The following MBNL2 variants were observed in gnomAD, a reference collection of about 807,000 sequenced individuals.
MBNL2 encodes the protein muscleblind-like protein 2.
In MBNL2, 17 loss-of-function variants were observed where a neutral mutation model predicts 41.9. That is an observed-to-expected ratio of 0.41 (90% CI 0.28 to 0.61). MBNL2 has a LOEUF of 0.61. Ranked by LOEUF, MBNL2 falls within the 20% of genes least tolerant of loss-of-function variation. MBNL2 has a pLI of 0.35. For synonymous variants in MBNL2, 195 were observed against 182.9 expected (o/e 1.07, Z -0.53); for missense variants, 336 against 505.6 (o/e 0.66, Z 3.22).
At chr13:97,342,207 AATC>A (rs1202809275) in intron 3 of MBNL2, among the ~76,000 whole-genome samples, 3 of 152,216 alleles carry the variant, frequency 2.0e-5, no homozygotes, top group Non-Finnish European at 4.4e-5. Context: ...TTTTAAAAAT[AATC>A]ATCACCTCAA....
intron 7 of MBNL2, among the ~76,000 whole-genome samples, chr13:97,362,144 AT>A (rs76732656): frequency 0.11 from 17,019 of 150,924 alleles, 1,003 homozygotes; most frequent in East Asian, 0.18. Flanking sequence ...CAGATTTTGG[AT>A]TTTTTTTTCA....
chr13:97,315,944 T>G (rs1007005637), intron 2 of MBNL2, among the ~76,000 whole-genome samples: 1 of 152,106 alleles, frequency 6.6e-6, no homozygotes, highest in African/African-American at 2.4e-5. Flanking sequence ...AGGAGAGAGA[T>G]ACACTCATGG....
intron 2 of MBNL2, among the ~76,000 whole-genome samples, chr13:97,281,617 C>T (rs1245121289): frequency 6.6e-6 from 1 of 152,136 alleles, no homozygotes; most frequent in African/African-American, 2.4e-5. Context: ...TGCTGCTGGG[C>T]TCCTTAATAG....
intron 7 of MBNL2, among the ~76,000 whole-genome samples, chr13:97,361,585 A>G (rs1030462541): frequency 6.6e-6 from 1 of 152,106 alleles, no homozygotes; most frequent in Non-Finnish European, 1.5e-5. Flanking sequence ...TTTCAGCCAC[A>G]TCCAGGACTG....
At chr13:97,146,095 A>G in the MBNL2 span, among the ~76,000 whole-genome samples, 1 of 151,800 alleles carries the variant, frequency 6.6e-6, no homozygotes, top group East Asian at 1.9e-4. Context: ...GGATCAAGCA[A>G]TTATTCTGCC....
the MBNL2 span, among the ~76,000 whole-genome samples, chr13:97,169,165 T>C: frequency 2.0e-5 from 3 of 152,246 alleles, no homozygotes; most frequent in Admixed American, 6.5e-5. Flanking sequence ...TAACTTCTTA[T>C]TGATGTATCC....
the MBNL2 span, among the ~76,000 whole-genome samples, chr13:97,142,029 A>G: frequency 6.6e-6 from 1 of 152,160 alleles, no homozygotes; most frequent in African/African-American, 2.4e-5. Context: ...GAGAAGGTTA[A>G]TTTGCAAAAC....
At chr13:97,389,433 G>T (rs1300162482) in intron 8 of MBNL2, among the ~76,000 whole-genome samples, 1 of 152,196 alleles carries the variant, frequency 6.6e-6, no homozygotes, top group Non-Finnish European at 1.5e-5. Context: ...GCTGGGTACA[G>T]TGGCTCACGC....
chr13:97,251,883 G>C (rs1385377724), intron 1 of MBNL2, among the ~76,000 whole-genome samples: 2 of 112,558 alleles, frequency 1.8e-5, no homozygotes, highest in Non-Finnish European at 3.3e-5. Context: ...TCGCTCCGTC[G>C]CCCAGGCCGG....
chr13:97,387,046 G>A (rs1238310100), intron 8 of MBNL2, among the ~76,000 whole-genome samples: 1 of 151,236 alleles, frequency 6.6e-6, no homozygotes. Flanking sequence ...GTGGAAAAAG[G>A]AATTGAAAAT....
chr13:97,291,538 T>C (rs1368308388), intron 2 of MBNL2, among the ~76,000 whole-genome samples: 1 of 152,088 alleles, frequency 6.6e-6, no homozygotes, highest in African/African-American at 2.4e-5. Flanking sequence ...CACGACAGGT[T>C]ATTAAAAAGA....
In MBNL2 at chr13:97,334,950, G is replaced by A. The variant is rs560377555; in HGVS notation, c.339+510G>A. 1.3e-5 allele frequency among the ~76,000 whole-genome samples: 2 copies of A among 152,324 alleles called. No homozygotes were observed. The highest frequency in any genetic ancestry group is 2.1e-4 in the South Asian group (1 of 4,832). On this transcript the variant is annotated intron_variant, in intron 3 of 8. Coordinates refer to ENST00000679496, the MANE Select transcript of MBNL2 (RefSeq NM_001382683.1). This position sits in a 1 kb window ranked among gnomAD's most constrained non-coding sequence, Gnocchi z 5.3. Reference sequence around the variant, plus strand: ...GTTAGCAGAGCGCTTTCTGCAGTGTGTTCCAGGAAGATCCTAGTAACAGCC... The same window carrying A: ...GTTAGCAGAGCGCTTTCTGCAGTGTATTCCAGGAAGATCCTAGTAACAGCC...
intron 4 of MBNL2, among the ~76,000 whole-genome samples, chr13:97,345,770 C>T (rs1301038545): frequency 6.8e-6 from 1 of 147,664 alleles, no homozygotes; most frequent in East Asian, 2.0e-4. Context: ...CCCCACCCCA[C>T]CCCCTTAGAG....
At chr13:97,306,266 C>T (rs1373331371) in intron 2 of MBNL2, among the ~76,000 whole-genome samples, 1 of 152,246 alleles carries the variant, frequency 6.6e-6, no homozygotes, top group Non-Finnish European at 1.5e-5. Context: ...CTGGTTGTTG[C>T]TCTCAATACT....
chr13:97,230,019 C>T (rs1238204543), intron 1 of MBNL2, among the ~76,000 whole-genome samples: 2 of 152,172 alleles, frequency 1.3e-5, no homozygotes, highest in African/African-American at 4.8e-5. Flanking sequence ...GAAACTGGGC[C>T]AGGCACAGTG....
chr13:97,364,817 T>G (rs1196678978), intron 7 of MBNL2, among the ~76,000 whole-genome samples: 3 of 152,214 alleles, frequency 2.0e-5, no homozygotes, highest in Non-Finnish European at 4.4e-5. Context: ...AACTTGATAA[T>G]GTCTGTAAAA....
At chr13:97,189,283 G>A in the MBNL2 span, among the ~76,000 whole-genome samples, 1 of 152,144 alleles carries the variant, frequency 6.6e-6, no homozygotes, top group Non-Finnish European at 1.5e-5. Flanking sequence ...ACTCATTGTT[G>A]ATGGAGACTG....
Position 97,346,720 on chromosome 13 carries a change from C to T in MBNL2, c.541-84C>T. 1 of 1,160,666 alleles carries T rather than the reference C, an allele frequency of 8.6e-7. No homozygotes were observed. The highest frequency in any genetic ancestry group is 1.2e-6 in the Non-Finnish European group (1 of 808,288). 71.9% of individuals were successfully genotyped at this position (1,160,666 alleles called of 1,614,324 possible). On this transcript the variant is annotated intron_variant, in intron 4 of 8. Coordinates refer to ENST00000679496, the MANE Select transcript of MBNL2 (RefSeq NM_001382683.1). The surrounding 1 kb of genome is among the most constrained non-coding windows in gnomAD (Gnocchi z 4.2). ...GCCACCATTGAAAGCGAGGCAGCCT[C>T]CGCTCCTCCCGCGGTGGCCGGGGCC...
At chr13:97,193,557 T>G in the MBNL2 span, among the ~76,000 whole-genome samples, 2 of 152,350 alleles carry the variant, frequency 1.3e-5, no homozygotes, top group East Asian at 3.9e-4. Context: ...ACCTCAATTA[T>G]TTTATCAGTA....
Sources: gnomAD v4.1 joint callset for allele counts (sites outside exome capture counted in the v4.1 genomes callset) on GRCh38, gnomAD v4.1.1 for gene constraint, Gnocchi (gnomAD v3.1) non-coding constraint, MANE v1.5 for transcripts, NCBI Gene and HGNC (gene_info 2026-07-23, HGNC 2026-07-21) for gene names.